Variants in MAP3K4 observed in about 807,000 individuals in gnomAD.
MAP3K4 encodes the protein MAP three kinase 1.
A neutral mutation model predicts 185.6 loss-of-function variants in MAP3K4; 67 were observed. The ratio of observed to expected loss-of-function variants is 0.36; its 90% CI spans 0.30 to 0.44. MAP3K4 has a LOEUF of 0.44. Among genes scored for constraint, MAP3K4 ranks in the 20% least tolerant of loss-of-function variants. The pLI, the probability that MAP3K4 is intolerant of heterozygous loss-of-function variation, is 1.00. For missense variants in MAP3K4, 1,551 were observed against 1,995.1 expected, an observed-to-expected ratio of 0.78 and a Z score of 4.24; for synonymous variants, 702 against 710.4, an observed-to-expected ratio of 0.99 and a Z score of 0.19.
In MAP3K4 at chr6:161,106,043, C is replaced by T. The variant is rs1468906357; in HGVS notation, c.3857-471C>T. Among the ~76,000 whole-genome samples, 1 of 151,894 alleles carries T rather than the reference C, an allele frequency of 6.6e-6. No homozygotes were observed. Among genetic ancestry groups the T allele is most frequent in the Non-Finnish European group, 1.5e-5 (1 of 67,990 alleles). On this transcript the variant is annotated intron_variant, in intron 19 of 26. Transcript: ENST00000392142. The surrounding 1 kb of genome is among the most constrained non-coding windows in gnomAD (Gnocchi z 4.9). ...GTAGAGATGGGGTTTTGCCATTTTG[C>T]CCAGTCTGGTCTTGAACTCCTAGGC...
intron 1 of MAP3K4, among the ~76,000 whole-genome samples, chr6:161,012,496 G>C (rs1489627186): frequency 6.6e-6 from 1 of 152,146 alleles, no homozygotes; most frequent in African/African-American, 2.4e-5. Flanking sequence ...GTGCAGAACT[G>C]TAATAAATTT....
Position 161,116,962 on chromosome 6 carries a change from T to A in MAP3K4, c.*92T>A. The A allele has an allele frequency of 8.1e-7, 1 of 1,241,242 alleles. No homozygotes were observed. The highest frequency in any genetic ancestry group is 1.7e-5 in the Admixed American group (1 of 57,744). 76.9% of individuals were successfully genotyped at this position (1,241,242 alleles called of 1,614,324 possible). A position where few individuals can be genotyped will look rare whatever the true frequency, so the allele number is the denominator to read the frequency against. ...CTGTGCTGAGAAGCAGTATAAGCCT[T>A]TTTAACCTTCCAAGACTGAAGACTG... On this transcript the variant is annotated 3_prime_UTR_variant, in exon 27 of 27. Coordinates refer to ENST00000392142, the MANE Select transcript of MAP3K4 (RefSeq NM_005922.4). The surrounding 1 kb of genome is among the most constrained non-coding windows in gnomAD (Gnocchi z 6.2).
rs1449952875 is a variant in MAP3K4 at position 161,076,491 on chromosome 6, A to G, written c.2097+2879A>G. 2.0e-5 allele frequency among the ~76,000 whole-genome samples: 3 copies of G among 152,240 alleles called. No homozygotes were observed. The highest frequency in any genetic ancestry group is 7.2e-5 in the African/African-American group (3 of 41,462). ...ACACTTAAGCATGTAGGTCAAAGGA[A>G]GTAACTTGGTGAGCATTTGGAACAT... On this transcript the variant is annotated intron_variant, in intron 5 of 26. Coordinates refer to ENST00000392142, the MANE Select transcript of MAP3K4 (RefSeq NM_005922.4). The surrounding 1 kb of genome is among the most constrained non-coding windows in gnomAD (Gnocchi z 4.2).
chr6:161,020,405 ATCCCAGCACTTTGGGAGGCCG>A (rs1301246421), intron 1 of MAP3K4, among the ~76,000 whole-genome samples: 2 of 152,132 alleles, frequency 1.3e-5, no homozygotes, highest in Non-Finnish European at 2.9e-5. Flanking sequence ...CACGCCTGTA[ATCCCAGCACTTTGGGAGGCCG>A]AGGTGGGCAG....
At position 161,110,592 on chromosome 6, in the gene MAP3K4, A is replaced by G. The variant is rs1034833724; in HGVS notation, c.4396+678A>G. On this transcript the variant is annotated intron_variant, in intron 23 of 26. Transcript: ENST00000392142. This position sits in a 1 kb window ranked among gnomAD's most constrained non-coding sequence, Gnocchi z 4.8. ...ATTTGGCCCTAGGCTGAAGAGTTTC[A>G]TTCTGTCCTGTAGTCTGAGGCTAAC... is the stretch of plus-strand genomic sequence containing the variant. Among the ~76,000 whole-genome samples the G allele has an allele frequency of 6.6e-6, 1 of 152,200 alleles. No homozygotes were observed. The highest frequency in any genetic ancestry group is 2.4e-5 in the African/African-American group (1 of 41,462).
intron 1 of MAP3K4, among the ~76,000 whole-genome samples, chr6:161,001,366 G>A (rs1304548756): frequency 6.6e-6 from 1 of 151,830 alleles, no homozygotes; most frequent in East Asian, 1.9e-4. Flanking sequence ...TATGTCATAT[G>A]TAATCTATGT....
At position 160,992,002 on chromosome 6, in the gene MAP3K4, A is replaced by AGCC; in HGVS notation, c.78_80dup (p.Pro36dup). 2 of 1,537,266 alleles carry AGCC rather than the reference A, an allele frequency of 1.3e-6. No individual in the cohort carries two copies. Among genetic ancestry groups the AGCC allele is most frequent in the Non-Finnish European group, 1.7e-6 (2 of 1,149,368 alleles). On this transcript the variant is annotated inframe_insertion, in exon 1 of 27. Transcript: ENST00000392142. The stretch of plus-strand genomic sequence containing the variant: ...GTCACGCCTGCCGCCGCCATGGAGG[A>AGCC]GCCGCCGCCACCGCCGCCGCCGCCA...
Position 160,991,824 on chromosome 6 carries a change from G to C in MAP3K4, c.-108G>C. Reference sequence around the variant, plus strand: ...GCGGCGCGCACGGCTCCTGCGGCGGGGTAGAGGCGGAGGCGGAGTCGAGTC... The same window carrying C: ...GCGGCGCGCACGGCTCCTGCGGCGGCGTAGAGGCGGAGGCGGAGTCGAGTC... On this transcript the variant is annotated 5_prime_UTR_variant, in exon 1 of 27. Coordinates refer to ENST00000392142, the MANE Select transcript of MAP3K4 (RefSeq NM_005922.4). The surrounding 1 kb of genome is among the most constrained non-coding windows in gnomAD (Gnocchi z 5.7). 7.9e-7 allele frequency: 1 copy of C among 1,263,724 alleles called. No homozygotes were observed. Among genetic ancestry groups the C allele is most frequent in the Admixed American group, 4.0e-5 (1 of 25,032 alleles). The allele number at this position is 1,263,724 out of a possible 1,614,324, so 78.3% of individuals were successfully genotyped here.
At chr6:160,995,847 T>C (rs957887476) in intron 1 of MAP3K4, among the ~76,000 whole-genome samples, 2 of 152,252 alleles carry the variant, frequency 1.3e-5, no homozygotes, top group African/African-American at 4.8e-5. Flanking sequence ...AAGGCTGATA[T>C]AATGCTCTTG....
Position 161,111,974 on chromosome 6 carries a change from G to GT in MAP3K4, c.4519+18dup. The GT allele has an allele frequency of 3.7e-6, 6 of 1,613,134 alleles. No individual in the cohort carries two copies. Among genetic ancestry groups the GT allele is most frequent in the Non-Finnish European group, 5.1e-6 (6 of 1,179,572 alleles). The stretch of plus-strand genomic sequence containing the variant: ...GGGACAGCAGGTAGGGACCAGCCTG[G>GT]TTGTTCTTTGCACTCTGACTTCATG... On this transcript the variant is annotated intron_variant, in intron 24 of 26. Coordinates refer to ENST00000392142, the MANE Select transcript of MAP3K4 (RefSeq NM_005922.4).
In MAP3K4 at chr6:161,073,445, C is replaced by T. The variant is rs760528464; in HGVS notation, c.1951-21C>T. 3.2e-6 allele frequency: 5 copies of T among 1,550,248 alleles called. No individual in the cohort carries two copies. The highest frequency in any genetic ancestry group is 4.4e-6 in the Non-Finnish European group (5 of 1,147,046). On this transcript the variant is annotated intron_variant, in intron 4 of 26. Transcript: ENST00000392142. This position sits in a 1 kb window ranked among gnomAD's most constrained non-coding sequence, Gnocchi z 4.2. Reference sequence around the variant, plus strand: ...TGGTTGGAGTTTATGGCTGCTGGAACCTGTGTGTGTTGTTTTGCAGCTGGT... The same window carrying T: ...TGGTTGGAGTTTATGGCTGCTGGAATCTGTGTGTGTTGTTTTGCAGCTGGT...
intron 23 of MAP3K4, among the ~76,000 whole-genome samples, chr6:161,111,017 A>T (rs1778322668): frequency 6.6e-6 from 1 of 152,224 alleles, no homozygotes; most frequent in Non-Finnish European, 1.5e-5. Flanking sequence ...AATGCTTTCT[A>T]GTTCAGCATG....
At position 161,049,248 on chromosome 6, in the gene MAP3K4, T is replaced by G. The variant is rs1257832010; in HGVS notation, c.976T>G (p.Cys326Gly). Reference sequence around the variant, plus strand: ...TAATGGTACTTCAGTAGAAGGGCAGTGCAAAGCCACTCCTGGAACAAAGAT... The same window carrying G: ...TAATGGTACTTCAGTAGAAGGGCAGGGCAAAGCCACTCCTGGAACAAAGAT... ...GFNGTSVEGQ[C>G]KATPGTKIVG... Residue 326 changes from cysteine to glycine, a missense_variant, in exon 3 of 27, where the codon TGC becomes GGC. Physicochemically the swap from Cys to Gly is radical, Grantham distance 159. Transcript: ENST00000392142. The surrounding 1 kb of genome is among the most constrained non-coding windows in gnomAD (Gnocchi z 8.4). 6.2e-7 allele frequency: 1 copy of G among 1,614,040 alleles called. No homozygotes were observed. The highest frequency in any genetic ancestry group is 8.5e-7 in the Non-Finnish European group (1 of 1,180,010).
intron 1 of MAP3K4, among the ~76,000 whole-genome samples, chr6:161,025,481 C>T (rs1424932568): frequency 6.6e-6 from 1 of 152,168 alleles, no homozygotes; most frequent in Non-Finnish European, 1.5e-5. Context: ...TTTTATCCTC[C>T]CAGCAGTTGG....
chr6:161,000,798 T>C (rs1025700915), intron 1 of MAP3K4, among the ~76,000 whole-genome samples: 5 of 146,578 alleles, frequency 3.4e-5, no homozygotes, highest in African/African-American at 1.0e-4. Flanking sequence ...TACACACATG[T>C]GTACACCCAT....
chr6:161,085,454 C>T (rs986560114), intron 7 of MAP3K4, among the ~76,000 whole-genome samples: 10 of 152,122 alleles, frequency 6.6e-5, no homozygotes, highest in Admixed American at 2.0e-4. Context: ...ATATATCAGG[C>T]GTATAGCAAC....
At chr6:161,012,978 T>C (rs574443892) in intron 1 of MAP3K4, among the ~76,000 whole-genome samples, 7 of 152,220 alleles carry the variant, frequency 4.6e-5, no homozygotes, top group Non-Finnish European at 1.0e-4. Context: ...TAGACAACAC[T>C]GCAGTGAACC....
chr6:161,067,314 C>T lies in MAP3K4; in HGVS notation c.1708-3294C>T, dbSNP rs890919206. 1.2e-5 allele frequency: 5 copies of T among 403,356 alleles called. No homozygotes were observed. The highest frequency in any genetic ancestry group is 8.5e-5 in the East Asian group (1 of 11,734). 25.0% of individuals were successfully genotyped at this position (403,356 alleles called of 1,614,324 possible). ...GGTCACAGGTAGGTAAGAGACAAAACGTTACATTTTTTTGAATTTCTGATT... is the reference window on the plus strand; with the variant it reads ...GGTCACAGGTAGGTAAGAGACAAAATGTTACATTTTTTTGAATTTCTGATT... On this transcript the variant is annotated intron_variant, in intron 3 of 26. Coordinates refer to ENST00000392142, the MANE Select transcript of MAP3K4 (RefSeq NM_005922.4). The surrounding 1 kb of genome is among the most constrained non-coding windows in gnomAD (Gnocchi z 6.3).
At chr6:161,005,139 C>CTT (rs1178412146) in intron 1 of MAP3K4, among the ~76,000 whole-genome samples, 13 of 140,810 alleles carry the variant, frequency 9.2e-5, no homozygotes, top group Non-Finnish European at 1.4e-4. Flanking sequence ...AGTATATAAA[C>CTT]TTTTTTTTTT....
Sources: gnomAD v4.1 joint callset for allele counts (sites outside exome capture counted in the v4.1 genomes callset) on GRCh38, gnomAD v4.1.1 for gene constraint, Gnocchi (gnomAD v3.1) non-coding constraint, MANE v1.5 for transcripts, NCBI Gene and HGNC (gene_info 2026-07-23, HGNC 2026-07-21) for gene names.